The following ADRA1B variants were observed in gnomAD, a reference collection of about 807,000 sequenced individuals.
ADRA1B encodes adrenoceptor alpha 1B.
In ADRA1B, 17 loss-of-function variants were observed where a neutral mutation model predicts 17.9. That is an observed-to-expected ratio of 0.95 (90% CI 0.65 to 1.42). The LOEUF (loss-of-function observed/expected upper bound fraction) is 1.42, where lower values mean the gene tolerates loss of function less well. Ranked by LOEUF, ADRA1B falls within the 40% of genes most tolerant of loss-of-function variation. The pLI is 0.00. For missense variants in ADRA1B, 681 were observed against 722.1 expected (o/e 0.94, Z 0.65); for synonymous variants, 366 against 327.6 (o/e 1.12, Z -1.27).
intron 1 of ADRA1B, among the ~76,000 whole-genome samples, chr5:159,897,655 G>T (rs948548082): frequency 2.6e-5 from 4 of 152,132 alleles, no homozygotes. Flanking sequence ...ACCTCCCACA[G>T]AGTTGTCCTG....
chr5:159,881,308 TC>T lies in ADRA1B; in HGVS notation c.-256+16103del, dbSNP rs1205948943. Among the ~76,000 whole-genome samples the T allele has an allele frequency of 3.2e-5, 4 of 124,824 alleles. No homozygotes were observed. The Admixed American group carries it at 3.6e-4, about 11-fold the overall frequency. 81.9% of individuals were successfully genotyped at this position (124,824 alleles called of 152,430 possible). ...GAACAATATCAGAAAGTTCTCTCTC[TC>T]TCTCTCTCTCTCTCTCTCTCTCTCT... On this transcript the variant is annotated intron_variant, in intron 1 of 2. Transcript: ENST00000641205.
chr5:159,901,470 T>G (rs1327413346), intron 1 of ADRA1B, among the ~76,000 whole-genome samples: 2 of 147,324 alleles, frequency 1.4e-5, no homozygotes, highest in Non-Finnish European at 3.0e-5. Flanking sequence ...GGAAGGAGAA[T>G]TTCTGAATAC....
At chr5:159,963,306 A>ATATATATATATATATATATATC (rs1561610064) in intron 1 of ADRA1B, among the ~76,000 whole-genome samples, 3 of 150,164 alleles carry the variant, frequency 2.0e-5, no homozygotes, top group African/African-American at 7.4e-5. Context: ...ATATATATAT[A>ATATATATATATATATATATATC]TATCCACACA....
intron 1 of ADRA1B, chr5:159,866,859 A>C (rs1032885042): frequency 3.9e-5 from 6 of 152,212 alleles, no homozygotes; most frequent in African/African-American, 1.4e-4. Flanking sequence ...AAAATGAGGA[A>C]AAGAAAGCTC....
At chr5:159,942,997 A>T (rs1755175259) in intron 1 of ADRA1B, among the ~76,000 whole-genome samples, 1 of 152,178 alleles carries the variant, frequency 6.6e-6, no homozygotes, top group Non-Finnish European at 1.5e-5. Flanking sequence ...GGATCACCTG[A>T]GGTCAGGAGT....
chr5:159,928,457 T>C (rs903874491), intron 1 of ADRA1B, among the ~76,000 whole-genome samples: 1 of 152,216 alleles, frequency 6.6e-6, no homozygotes, highest in Non-Finnish European at 1.5e-5. Context: ...GGAATTGTGC[T>C]ATAAAAGTTG....
intron 1 of ADRA1B, among the ~76,000 whole-genome samples, chr5:159,941,380 C>T (rs559243144): frequency 6.6e-6 from 1 of 152,248 alleles, no homozygotes; most frequent in East Asian, 1.9e-4. Flanking sequence ...ATCCATTTGG[C>T]CCACGAACAT....
intron 1 of ADRA1B, among the ~76,000 whole-genome samples, chr5:159,968,845 G>A (rs957927751): frequency 6.6e-5 from 10 of 152,134 alleles, no homozygotes; most frequent in Non-Finnish European, 7.3e-5. Flanking sequence ...ATCCCAAAAC[G>A]CTGGGATTAC....
chr5:159,927,207 C>T (rs780648088), intron 1 of ADRA1B, among the ~76,000 whole-genome samples: 107 of 152,094 alleles, frequency 7.0e-4, no homozygotes, highest in Admixed American at 9.2e-4. Flanking sequence ...CATTCCCTCA[C>T]CCTCTAGCCA....
intron 1 of ADRA1B, 152 bp from the exon 2 acceptor site, chr5:159,971,727 A>C (rs897680691): frequency 7.5e-5 from 45 of 600,060 alleles, no homozygotes; most frequent in South Asian, 1.5e-4. Flanking sequence ...TGCAAAGGGA[A>C]GTATTCCGGG....
chr5:159,946,001 C>G (rs1391121362), intron 1 of ADRA1B, among the ~76,000 whole-genome samples: 1 of 152,200 alleles, frequency 6.6e-6, no homozygotes, highest in Non-Finnish European at 1.5e-5. Flanking sequence ...CCCACCTCGG[C>G]CTCCCAAAGT....
chr5:159,971,922 G>C lies in ADRA1B; in HGVS notation c.993G>C (p.Lys331Asn). 4.3e-6 allele frequency: 6 copies of C among 1,389,088 alleles called. No individual in the cohort carries two copies. Among genetic ancestry groups the C allele is most frequent in the East Asian group, 5.5e-5 (2 of 36,428 alleles). The allele number at this position is 1,389,088 out of a possible 1,614,324, so 86.0% of individuals were successfully genotyped here. A position where few individuals can be genotyped will look rare whatever the true frequency, so the allele number is the denominator to read the frequency against. Residue 331 changes from lysine (K) to asparagine (N), a missense_variant, in exon 2 of 2, where the codon AAG (lysine) becomes AAC (asparagine). By Grantham distance (94) the Lys-to-Asn change is moderately conservative (BLOSUM62 0). Transcript: ENST00000306675. Reference protein sequence around the residue: ...STLKPPDAVFKVVFWLGYFNS... With the variant: ...STLKPPDAVFNVVFWLGYFNS... ...TGAAGCCCCCCGACGCCGTGTTCAAGGTGGTGTTCTGGCTGGGCTACTTCA... is the reference window on the plus strand; with the variant it reads ...TGAAGCCCCCCGACGCCGTGTTCAACGTGGTGTTCTGGCTGGGCTACTTCA...
chr5:159,916,617 C>T lies in ADRA1B; in HGVS notation c.-289C>T. 1 of 274,294 alleles carries T rather than the reference C, an allele frequency of 3.6e-6. No individual in the cohort carries two copies. The highest frequency in any genetic ancestry group is 6.8e-6 in the Non-Finnish European group (1 of 147,620). The allele number at this position is 274,294 out of a possible 1,614,324, so 17.0% of individuals were successfully genotyped here. A position where few individuals can be genotyped will look rare whatever the true frequency, so the allele number is the denominator to read the frequency against. On this transcript the variant is annotated 5_prime_UTR_variant, in exon 1 of 2. Coordinates refer to ENST00000306675, the MANE Select transcript of ADRA1B (RefSeq NM_000679.4). ...GGCCCTGCCGCCCCCTCCTCCCCGC[C>T]GCTCCCCCGCGAGCCCGGCCAGGCG...
chr5:159,953,186 C>T (rs1755480000), intron 1 of ADRA1B, among the ~76,000 whole-genome samples: 1 of 152,072 alleles, frequency 6.6e-6, no homozygotes, highest in Non-Finnish European at 1.5e-5. Context: ...GATGGCAAAA[C>T]CCCATCTCTA....
intron 1 of ADRA1B, among the ~76,000 whole-genome samples, chr5:159,939,267 G>GAA (rs1325385509): frequency 1.3e-5 from 1 of 74,326 alleles, no homozygotes; most frequent in African/African-American, 6.7e-5. Flanking sequence ...GAGAGAGAGA[G>GAA]AGAGAGAGAG....
At chr5:159,869,567 T>C (rs186586908) in intron 1 of ADRA1B, 1 of 152,392 alleles carries the variant, frequency 6.6e-6, no homozygotes, top group East Asian at 1.9e-4. Flanking sequence ...AGAATAGTTG[T>C]AGAAGACATG....
intron 1 of ADRA1B, among the ~76,000 whole-genome samples, chr5:159,890,332 C>A (rs1753969051): frequency 6.6e-6 from 1 of 152,224 alleles, no homozygotes; most frequent in Non-Finnish European, 1.5e-5. Context: ...GTGTAGGATA[C>A]TTGCCCTGCT....
intron 1 of ADRA1B, among the ~76,000 whole-genome samples, chr5:159,925,769 A>T (rs1308301620): frequency 6.6e-6 from 1 of 152,244 alleles, no homozygotes; most frequent in African/African-American, 2.4e-5. Context: ...CTGGTTCCCA[A>T]AAACGTCCAT....
At position 159,972,265 on chromosome 5, in the gene ADRA1B, G is replaced by T; in HGVS notation, c.1336G>T (p.Glu446Ter). 6 of 1,357,490 alleles carry T rather than the reference G, an allele frequency of 4.4e-6. No individual in the cohort carries two copies. Among genetic ancestry groups the T allele is most frequent in the Non-Finnish European group, 5.7e-6 (6 of 1,056,502 alleles). The allele number at this position is 1,357,490 out of a possible 1,614,324, so 84.1% of individuals were successfully genotyped here. A position where few individuals can be genotyped will look rare whatever the true frequency, so the allele number is the denominator to read the frequency against. Residue 446 changes from glutamate (E) to a stop codon, truncating the protein, a stop_gained, in exon 2 of 2, where the codon GAG becomes TAG. Transcript: ENST00000306675. LOFTEE classifies it low-confidence loss of function (END_TRUNC). ...PPPVELCAFP[E>*]WKAPGALLSL... Reference sequence around the variant, plus strand: ...GCCAGTCGAGCTGTGCGCCTTCCCCGAGTGGAAGGCGCCCGGCGCCCTCCT... The same window carrying T: ...GCCAGTCGAGCTGTGCGCCTTCCCCTAGTGGAAGGCGCCCGGCGCCCTCCT...
Sources: allele counts gnomAD v4.1 joint callset (sites outside exome capture counted in the v4.1 genomes callset), GRCh38; gene constraint gnomAD v4.1.1; transcripts MANE v1.5; gene names NCBI Gene and HGNC (gene_info 2026-07-23, HGNC 2026-07-21).